DIAPH2: variants seen among roughly 807,000 people sequenced by gnomAD.
The protein encoded by DIAPH2 is diaphanous related formin 2.
DIAPH2 carries 35 observed loss-of-function variants against 92.7 expected under a neutral mutation model. That is an observed-to-expected ratio of 0.38 (90% CI 0.29 to 0.50). DIAPH2 has a LOEUF of 0.50. DIAPH2 is among the 20% of genes least tolerant of loss of function. The probability of loss-of-function intolerance (pLI) is 0.94; values close to 1 mark genes in which losing one functional copy is unlikely to be tolerated. For missense variants in DIAPH2, 701 were observed against 819.5 expected (o/e 0.86, Z 1.77); for synonymous variants, 301 against 280.4 (o/e 1.07, Z -0.73).
chrX:96,932,160 G>A (rs950758338), intron 10 of DIAPH2, among the ~76,000 whole-genome samples: 4 of 110,395 alleles, frequency 3.6e-5, no homozygotes, highest in Admixed American at 9.7e-5. Flanking sequence ...TTCCATGCTT[G>A]TTTTTACTGG....
At chrX:97,560,800 G>A (rs140721182) in intron 26 of DIAPH2, among the ~76,000 whole-genome samples, 148 of 112,625 alleles carry the variant, frequency 1.3e-3, no homozygotes, top group African/African-American at 4.4e-3. Context: ...GCCCAAATGT[G>A]TCATTTTAGA....
At chrX:97,060,444 A>G (rs1187943815) in intron 17 of DIAPH2, among the ~76,000 whole-genome samples, 3 of 110,605 alleles carry the variant, frequency 2.7e-5, no homozygotes, top group Non-Finnish European at 5.7e-5. Context: ...GGCAGATTTC[A>G]TTCTATTCTT....
At chrX:96,990,402 G>A (rs186193167) in intron 17 of DIAPH2, among the ~76,000 whole-genome samples, 18 of 111,438 alleles carry the variant, frequency 1.6e-4, no homozygotes, top group Admixed American at 1.4e-3. Flanking sequence ...ACTAGAGTGC[G>A]CATTTCCGAT....
intron 17 of DIAPH2, among the ~76,000 whole-genome samples, chrX:96,987,986 T>C (rs1035580652): frequency 1.8e-5 from 2 of 111,047 alleles, no homozygotes; most frequent in African/African-American, 6.5e-5. Flanking sequence ...AAATGTATTT[T>C]TTATTTTCAA....
intron 26 of DIAPH2, among the ~76,000 whole-genome samples, chrX:97,578,214 C>T (rs1200453628): frequency 9.4e-6 from 1 of 106,380 alleles, no homozygotes; most frequent in African/African-American, 3.5e-5. Flanking sequence ...TACATGTGCA[C>T]ATTGTGCAGG....
chrX:97,573,743 C>T (rs763891961), intron 26 of DIAPH2, among the ~76,000 whole-genome samples: 32 of 107,565 alleles, frequency 3.0e-4, no homozygotes, highest in Non-Finnish European at 5.6e-4. Flanking sequence ...TCACTGCAAC[C>T]TCTGCCTCCT....
chrX:96,818,170 G>A (rs6523064), intron 4 of DIAPH2, among the ~76,000 whole-genome samples: 37,124 of 74,709 alleles, frequency 0.5, 9,590 homozygotes, highest in African/African-American at 0.79. Context: ...TAGTAGAGAC[G>A]GGGTTTCACC....
At chrX:97,447,834 G>A (rs903314819) in intron 26 of DIAPH2, among the ~76,000 whole-genome samples, 1 of 111,777 alleles carries the variant, frequency 8.9e-6, no homozygotes, top group East Asian at 2.8e-4. Flanking sequence ...GCTTTGTTGA[G>A]GCTCCCTCCC....
At chrX:97,364,759 GTT>G (rs11286549) in intron 24 of DIAPH2, among the ~76,000 whole-genome samples, 99 of 56,544 alleles carry the variant, frequency 1.8e-3, no homozygotes, top group South Asian at 0.013. Flanking sequence ...GTCTCCTGGT[GTT>G]TTTTTTTTTT....
chrX:97,185,445 ATATGTG>A (rs1157817410), intron 22 of DIAPH2, among the ~76,000 whole-genome samples: 3 of 58,624 alleles, frequency 5.1e-5, no homozygotes, highest in African/African-American at 2.7e-4. Flanking sequence ...GTGTATATAT[ATATGTG>A]TGTGTATATA....
intron 5 of DIAPH2, among the ~76,000 whole-genome samples, chrX:96,894,812 T>C (rs2065331873): frequency 9.0e-6 from 1 of 110,911 alleles, no homozygotes; most frequent in Non-Finnish European, 1.9e-5. Context: ...TGAAATCATG[T>C]GTCTTAATTT....
chrX:97,021,499 C>T (rs1045092649), intron 17 of DIAPH2, among the ~76,000 whole-genome samples: 19 of 112,038 alleles, frequency 1.7e-4, no homozygotes, highest in Non-Finnish European at 3.4e-4. Context: ...GCAAGAAAGT[C>T]TTAAGTATTA....
chrX:97,300,801 G>A (rs1328879684), intron 23 of DIAPH2, among the ~76,000 whole-genome samples: 1 of 97,848 alleles, frequency 1.0e-5, no homozygotes, highest in African/African-American at 3.6e-5. Flanking sequence ...GCATGGTGGC[G>A]GGCGCCTGTA....
chrX:96,812,237 G>C (rs1384587626), intron 4 of DIAPH2, among the ~76,000 whole-genome samples: 2 of 111,712 alleles, frequency 1.8e-5, no homozygotes, highest in Non-Finnish European at 3.8e-5. Flanking sequence ...CTTCTTCCTG[G>C]TTTAGTCTTG....
In DIAPH2 at chrX:97,194,642, C is replaced by T. The variant is rs112481162; in HGVS notation, c.2719+52848C>T. Among the ~76,000 whole-genome samples the T allele has an allele frequency of 4.0e-3, 450 of 111,341 alleles. 3 individuals carry two copies. The highest frequency in any genetic ancestry group is 0.014 in the African/African-American group (418 of 30,696). ...TAGTGATTTCACCTGTCCAGATAACCTACCTTAAACATCATGATGAGAGGG... is the reference window on the plus strand; with the variant it reads ...TAGTGATTTCACCTGTCCAGATAACTTACCTTAAACATCATGATGAGAGGG... On this transcript the variant is annotated intron_variant, in intron 22 of 26. Coordinates refer to ENST00000324765, the MANE Select transcript of DIAPH2 (RefSeq NM_006729.5).
chrX:97,125,935 C>T (rs755821272), intron 21 of DIAPH2, among the ~76,000 whole-genome samples: 2 of 111,465 alleles, frequency 1.8e-5, no homozygotes, highest in Non-Finnish European at 3.8e-5. Context: ...GCATTTTCAG[C>T]GCTAGAGCAG....
intron 12 of DIAPH2, among the ~76,000 whole-genome samples, chrX:96,939,641 G>A (rs1486469607): frequency 2.8e-5 from 2 of 70,510 alleles, no homozygotes; most frequent in East Asian, 4.4e-4. Context: ...CACACACAGG[G>A]TATAAGAGTT....
intron 17 of DIAPH2, among the ~76,000 whole-genome samples, chrX:97,061,598 G>A (rs1175278816): frequency 1.8e-5 from 2 of 109,454 alleles, no homozygotes. Context: ...CACGAGGCCA[G>A]GAGTTCGAGA....
chrX:97,148,164 C>T (rs2067259912), intron 22 of DIAPH2, among the ~76,000 whole-genome samples: 1 of 111,261 alleles, frequency 9.0e-6, no homozygotes, highest in South Asian at 3.8e-4. Context: ...GACTTGCCCA[C>T]GATCACATAG....
Sources: gnomAD v4.1 joint callset for allele counts (sites outside exome capture counted in the v4.1 genomes callset) on GRCh38, gnomAD v4.1.1 for gene constraint, MANE v1.5 for transcripts, NCBI Gene and HGNC (gene_info 2026-07-23, HGNC 2026-07-21) for gene names.